The following ERC2 variants were observed in gnomAD, a reference collection of about 807,000 sequenced individuals.
ERC2 encodes ERC protein 2.
ERC2 carries 42 observed loss-of-function variants against 114.8 expected under a neutral mutation model. The ratio of observed to expected loss-of-function variants is 0.37; its 90% confidence interval spans 0.29 to 0.47. ERC2 has a LOEUF of 0.47. ERC2 is among the 20% of genes least tolerant of loss of function. The pLI is 0.99. For synonymous variants in ERC2, 454 were observed against 425.5 expected, an observed-to-expected ratio of 1.07 and a Z score of -0.82; for missense variants, 939 against 1,150.7, an observed-to-expected ratio of 0.82 and a Z score of 2.66.
chr3:55,708,615 G>GA (rs911352601), intron 15 of ERC2, among the ~76,000 whole-genome samples: 3 of 152,050 alleles, frequency 2.0e-5, no homozygotes, highest in African/African-American at 7.2e-5. Context: ...GAGGGTCTCT[G>GA]AAAAAAACTC....
At position 55,597,987 on chromosome 3, in the gene ERC2, C is replaced by T. The variant is rs546720799; in HGVS notation, c.*39+85807G>A. On this transcript the variant is annotated intron_variant, in intron 17 of 17. Transcript: ENST00000288221. ...GAAGCCACACCTTGGGAAGCCACAT[C>T]GCCTGCTTACAGCCACATCTTGCTA... Among the ~76,000 whole-genome samples the T allele has an allele frequency of 3.3e-5, 5 of 152,308 alleles. No homozygotes were observed. In the South Asian group the frequency reaches 1.0e-3, roughly 32 times the overall value.
intron 17 of ERC2, among the ~76,000 whole-genome samples, chr3:55,522,216 G>T (rs1429762766): frequency 6.6e-6 from 1 of 152,120 alleles, no homozygotes; most frequent in Admixed American, 6.6e-5. Context: ...ACCATTTTTG[G>T]TAGGGGAGAA....
intron 17 of ERC2, among the ~76,000 whole-genome samples, chr3:55,558,483 T>C (rs988456183): frequency 1.3e-5 from 2 of 152,330 alleles, no homozygotes; most frequent in South Asian, 2.1e-4. Context: ...TTCCAAAAGA[T>C]GCTCCAGCCA....
chr3:55,585,794 A>G (rs1384131878), intron 17 of ERC2, among the ~76,000 whole-genome samples: 1 of 152,170 alleles, frequency 6.6e-6, no homozygotes, highest in Non-Finnish European at 1.5e-5. Context: ...CTTTTTGATT[A>G]TTAAGAACAC....
intron 17 of ERC2, among the ~76,000 whole-genome samples, chr3:55,675,426 G>C (rs1169329860): frequency 6.6e-6 from 1 of 152,176 alleles, no homozygotes; most frequent in Non-Finnish European, 1.5e-5. Context: ...TCTTGGTAAG[G>C]CTAATGACCT....
chr3:55,573,222 T>TTA (rs138563392), intron 17 of ERC2, among the ~76,000 whole-genome samples: 3,393 of 152,264 alleles, frequency 0.022, 119 homozygotes, highest in African/African-American at 0.077. Context: ...CCTCCAATGT[T>TTA]TATTAGCAAA....
chr3:56,202,539 C>T (rs529150059), intron 3 of ERC2, among the ~76,000 whole-genome samples: 4 of 143,222 alleles, frequency 2.8e-5, no homozygotes, highest in Admixed American at 7.3e-5. Context: ...TATTTATATG[C>T]GGCTTTATGG....
At chr3:56,087,476 T>C (rs946131648) in intron 6 of ERC2, among the ~76,000 whole-genome samples, 6 of 152,244 alleles carry the variant, frequency 3.9e-5, no homozygotes, top group African/African-American at 1.4e-4. Flanking sequence ...GTATTTTATG[T>C]GCGCCTTCAG....
intron 13 of ERC2, among the ~76,000 whole-genome samples, chr3:55,913,494 C>A (rs1440435438): frequency 1.3e-5 from 2 of 152,066 alleles, no homozygotes; most frequent in African/African-American, 4.8e-5. Flanking sequence ...TCCTGAAAAA[C>A]CACAAAAATC....
intron 11 of ERC2, among the ~76,000 whole-genome samples, chr3:55,989,749 T>C (rs1469603697): frequency 8.5e-5 from 13 of 152,212 alleles, no homozygotes; most frequent in Non-Finnish European, 1.5e-5. Context: ...TTCTGTATTG[T>C]GGGTGAGACT....
intron 3 of ERC2, among the ~76,000 whole-genome samples, chr3:56,187,521 A>G (rs530551521): frequency 6.6e-6 from 1 of 152,158 alleles, no homozygotes; most frequent in Non-Finnish European, 1.5e-5. Flanking sequence ...TTGTCCCCAG[A>G]TGAGATGCAC....
intron 3 of ERC2, among the ~76,000 whole-genome samples, chr3:56,246,143 A>G (rs373178423): frequency 1.1e-4 from 16 of 150,616 alleles, no homozygotes; most frequent in African/African-American, 3.9e-4. Context: ...TCATCCCATA[A>G]TATGCCAGGG....
intron 12 of ERC2, among the ~76,000 whole-genome samples, chr3:55,963,419 A>G (rs1349129463): frequency 6.6e-6 from 1 of 152,208 alleles, no homozygotes; most frequent in African/African-American, 2.4e-5. Context: ...GCTCAACACA[A>G]CGTTCCCTTT....
chr3:55,606,180 G>T (rs1403397529), intron 17 of ERC2, among the ~76,000 whole-genome samples: 1 of 152,176 alleles, frequency 6.6e-6, no homozygotes, highest in African/African-American at 2.4e-5. Context: ...GATGGCTTGG[G>T]GTTTAGGGGT....
chr3:56,200,418 T>A (rs2048346231), intron 3 of ERC2, among the ~76,000 whole-genome samples: 1 of 151,826 alleles, frequency 6.6e-6, no homozygotes, highest in African/African-American at 2.4e-5. Flanking sequence ...TCTAACAAGT[T>A]ACTCAGATTA....
chr3:56,025,402 G>A (rs141187738), intron 7 of ERC2, among the ~76,000 whole-genome samples: 32 of 152,304 alleles, frequency 2.1e-4, no homozygotes, highest in South Asian at 4.1e-4. Flanking sequence ...AAAGGGATCA[G>A]TTTGGCTAAG....
chr3:55,950,498 T>C lies in ERC2; in HGVS notation c.2330A>G (p.Lys777Arg). 5 of 1,614,076 alleles carry C rather than the reference T, an allele frequency of 3.1e-6. No individual in the cohort carries two copies. Among genetic ancestry groups the C allele is most frequent in the Non-Finnish European group, 4.2e-6 (5 of 1,179,898 alleles). The change falls in exon 13 of 18, where the codon AAG becomes AGG. Residue 777 changes from lysine (K) to arginine (R), a missense_variant. Physicochemically the swap from Lys to Arg is conservative, Grantham distance 26 (BLOSUM62 2). Around this residue, in one of 5 missense-constraint regions of ERC2, gnomAD observed 328 missense variants for 353.9 expected, o/e 0.93. Coordinates refer to ENST00000288221, the MANE Select transcript of ERC2 (RefSeq NM_015576.3). ...NLKHNQQLEK[K>R]KNAQLLEEVR... ...TTCTTCTAGTAACTGAGCATTTTTC[T>C]TCTTTTCCAACTGTTGATTGTGCTT...
chr3:55,634,586 C>G (rs1559775315), intron 17 of ERC2, among the ~76,000 whole-genome samples: 1 of 152,178 alleles, frequency 6.6e-6, no homozygotes, highest in African/African-American at 2.4e-5. Context: ...CATACGAGAA[C>G]CTGTCAGTAG....
chr3:56,139,565 C>CTCTGTTCTTTGGCAGA lies in ERC2; in HGVS notation c.1416_1417insTCTGCCAAAGAACAGA (p.Val473SerfsTer24), dbSNP rs2080726170. 1 of 1,613,862 alleles carries CTCTGTTCTTTGGCAGA rather than the reference C, an allele frequency of 6.2e-7. No individual in the cohort carries two copies. Among genetic ancestry groups the CTCTGTTCTTTGGCAGA allele is most frequent in the Non-Finnish European group, 8.5e-7 (1 of 1,179,970 alleles). On this transcript the variant is annotated frameshift_variant, in exon 6 of 18. Transcript: ENST00000288221. LOFTEE classifies it high-confidence loss of function. ...TTGGCAGTAAGTGACTCTTTGAGCACTTCAATGTGTTGCTTGCAATCTGAA... is the reference window on the plus strand; with the variant it reads ...TTGGCAGTAAGTGACTCTTTGAGCACTCTGTTCTTTGGCAGATTCAATGTGTTGCTTGCAATCTGAA...
Sources: allele counts gnomAD v4.1 joint callset (sites outside exome capture counted in the v4.1 genomes callset), GRCh38; gene constraint gnomAD v4.1.1; regional missense constraint gnomAD v4.1.1; transcripts MANE v1.5; gene names NCBI Gene and HGNC (gene_info 2026-07-23, HGNC 2026-07-21).